Variants in PLCB2 observed in about 807,000 individuals in gnomAD.
PLCB2 encodes phospholipase C beta 2.
In PLCB2, 115 loss-of-function variants were observed where a neutral mutation model predicts 141.7. That is an observed-to-expected ratio of 0.81 (90% CI 0.70 to 0.95). The LOEUF (loss-of-function observed/expected upper bound fraction) is 0.95, where lower values mean the gene tolerates loss of function less well. PLCB2 is among the 40% of genes least tolerant of loss of function. The probability of loss-of-function intolerance (pLI) is 0.00; values close to 1 mark genes in which losing one functional copy is unlikely to be tolerated. For synonymous variants in PLCB2, 603 were observed against 595.6 expected, an observed-to-expected ratio of 1.01 and a Z score of -0.18; for missense variants, 1,403 against 1,541.1, an observed-to-expected ratio of 0.91 and a Z score of 1.50.
At chr15:40,287,888 A>G, downstream of PLCB2, 1 of 977,410 alleles carries the variant, frequency 1.0e-6, no homozygotes, top group Non-Finnish European at 1.2e-6. Flanking sequence ...TGTAGAATAG[A>G]GACCAGGCTT....
chr15:40,299,602 T>G (rs1048631454), intron 7 of PLCB2, among the ~76,000 whole-genome samples: 32 of 152,122 alleles, frequency 2.1e-4, no homozygotes, highest in Non-Finnish European at 7.4e-5. Context: ...TAAACATATA[T>G]GCACCTAACA....
In PLCB2 at chr15:40,293,597, T is replaced by C. The variant is rs1390504381; in HGVS notation, c.2189A>G (p.Asn730Ser). ...AAAGGGCTCCTCCTTCCAGACAGGATTGATGGAGTTAGTACTGGGTGACAG... is the reference window on the plus strand; with the variant it reads ...AAAGGGCTCCTCCTTCCAGACAGGACTGATGGAGTTAGTACTGGGTGACAG... ...TKLSPSTNSI[N>S]PVWKEEPFVF... The change falls in exon 20 of 32, where the codon AAT becomes AGT. Residue 730 changes from asparagine to serine, a missense_variant. Physicochemically the swap from Asn to Ser is conservative, Grantham distance 46. Around this residue, in one of 4 missense-constraint regions of PLCB2, gnomAD observed 975 missense variants for 1,141.1 expected, o/e 0.85. Transcript: ENST00000260402. 5 of 1,613,880 alleles carry C rather than the reference T, an allele frequency of 3.1e-6. No homozygotes were observed. The highest frequency in any genetic ancestry group is 4.2e-6 in the Non-Finnish European group (5 of 1,179,960).
rs2039911570 is a variant in PLCB2 at position 40,291,390 on chromosome 15, GC to G, written c.2744del (p.Arg915ProfsTer69). ...GCAGCTCCTCCCAGCGCCGCGCTCCGCGCCGCTCCAACTCTCGCAGCTCCTT... is the reference window on the plus strand; with the variant it reads ...GCAGCTCCTCCCAGCGCCGCGCTCCGGCCGCTCCAACTCTCGCAGCTCCTT... Reference protein sequence around the residue: ...HEKELRELERRGARRWEELLQ... With the variant: ...HEKELRELERXGARRWEELLQ... On this transcript the variant is annotated frameshift_variant, in exon 26 of 32. Coordinates refer to ENST00000260402, the MANE Select transcript of PLCB2 (RefSeq NM_004573.3). LOFTEE classifies it high-confidence loss of function. 6.5e-7 allele frequency: 1 copy of G among 1,534,116 alleles called. No individual in the cohort carries two copies. The highest frequency in any genetic ancestry group is 8.7e-7 in the Non-Finnish European group (1 of 1,145,754).
Position 40,290,048 on chromosome 15 carries a change from C to T in PLCB2, c.3244G>A (p.Glu1082Lys), listed in dbSNP as rs1378159298. 1.2e-6 allele frequency: 2 copies of T among 1,609,704 alleles called. No homozygotes were observed. Among genetic ancestry groups the T allele is most frequent in the Non-Finnish European group, 1.7e-6 (2 of 1,176,950 alleles). ...KREINNSHIQ[E>K]VVQVIKQMTE... ...ACCTGCTTGATCACCTGCACTACTT[C>T]CTGGATGTGGGAGTTGTTAATCTCT... is the stretch of plus-strand genomic sequence containing the variant. The change falls in exon 30 of 32, where the codon GAA (glutamate) becomes AAA (lysine). Residue 1082 changes from glutamate (E) to lysine (K), a missense_variant. Glu to Lys is a moderately conservative substitution (Grantham distance 56). This residue lies in a region of PLCB2 where 132 missense variants were observed against 132.4 expected (regional missense o/e 1.00). Coordinates refer to ENST00000260402, the MANE Select transcript of PLCB2 (RefSeq NM_004573.3).
intron 1 of PLCB2, among the ~76,000 whole-genome samples, chr15:40,306,765 G>C (rs2040817243): frequency 6.6e-6 from 1 of 152,162 alleles, no homozygotes; most frequent in African/African-American, 2.4e-5. Flanking sequence ...TCCCTTCCTG[G>C]GACAAGCCCA....
At chr15:40,307,200 C>A (rs2040840600) in intron 1 of PLCB2, among the ~76,000 whole-genome samples, 1 of 152,124 alleles carries the variant, frequency 6.6e-6, no homozygotes, top group Admixed American at 6.5e-5. Context: ...GAGCGCCCTG[C>A]CGGAGCAAGG....
chr15:40,287,813 G>T (rs939837838), downstream of PLCB2: 1 of 519,484 alleles, frequency 1.9e-6, no homozygotes, highest in Non-Finnish European at 2.5e-6. Flanking sequence ...GCTCCCAAGA[G>T]ATTTTTTTTT....
chr15:40,306,970 T>C (rs1375725171), intron 1 of PLCB2, among the ~76,000 whole-genome samples: 1 of 152,208 alleles, frequency 6.6e-6, no homozygotes, highest in Non-Finnish European at 1.5e-5. Flanking sequence ...GGTGCAGCAG[T>C]GTCTTCCCCT....
At position 40,290,748 on chromosome 15, in the gene PLCB2, G is replaced by A. The variant is rs2039847897; in HGVS notation, c.3113+13C>T. The stretch of plus-strand genomic sequence containing the variant: ...TGGGAGGCGAAGCAGGTGTGGGAGG[G>A]AGGCAGTCGTACTTCTCCGACGTCT... On this transcript the variant is annotated intron_variant, in intron 28 of 31. Transcript: ENST00000260402. The A allele has an allele frequency of 1.2e-6, 2 of 1,613,278 alleles. No individual in the cohort carries two copies. Among genetic ancestry groups the A allele is most frequent in the Non-Finnish European group, 1.7e-6 (2 of 1,179,502 alleles).
chr15:40,292,424 C>T lies in PLCB2; in HGVS notation c.2346G>A (p.Leu782=). Residue 782 remains leucine (L), a synonymous_variant, in exon 22 of 32, where the codon CTG becomes CTA. Coordinates refer to ENST00000260402, the MANE Select transcript of PLCB2 (RefSeq NM_004573.3). ...ALNSGYHHLC[L]HSESNMPLTM... is the part of the protein sequence containing the mutation. Reference sequence around the variant, plus strand: ...TGAGGGGCATGTTGCTCTCACTGTGCAGGCACAGGTGGTGGTACCCTGTGA... The same window carrying T: ...TGAGGGGCATGTTGCTCTCACTGTGTAGGCACAGGTGGTGGTACCCTGTGA... 2 of 1,613,376 alleles carry T rather than the reference C, an allele frequency of 1.2e-6. No homozygotes were observed. The highest frequency in any genetic ancestry group is 1.7e-6 in the Non-Finnish European group (2 of 1,179,500).
intron 16 of PLCB2, 82 bp from the exon 17 acceptor site, chr15:40,295,367 C>T: frequency 1.1e-6 from 1 of 940,034 alleles, no homozygotes; most frequent in Non-Finnish European, 1.8e-6. Context: ...GGGGCAGCTC[C>T]CTCTGGCCTA....
rs564008412 is a variant in PLCB2 at position 40,297,603 on chromosome 15, G to A, written c.1241C>T (p.Pro414Leu). 5.6e-6 allele frequency: 9 copies of A among 1,613,404 alleles called. No individual in the cohort carries two copies. The highest frequency in any genetic ancestry group is 1.3e-5 in the African/African-American group (1 of 75,056). ...ILSFENHVDS[P>L]RQQAKMAEYC... Reference sequence around the variant, plus strand: ...CTCAGCCATCTTAGCCTGCTGGCGGGGTCTGCGGGGAGCAAAAGCGGGGAT... The same window carrying A: ...CTCAGCCATCTTAGCCTGCTGGCGGAGTCTGCGGGGAGCAAAAGCGGGGAT... Residue 414 changes from proline (P) to leucine (L), a missense_variant and splice_region_variant, in exon 13 of 32, where the codon CCC becomes CTC. This residue lies in a region of PLCB2 where 975 missense variants were observed against 1,141.1 expected (regional missense o/e 0.85). Coordinates refer to ENST00000260402, the MANE Select transcript of PLCB2 (RefSeq NM_004573.3). This position sits in a 1 kb window ranked among gnomAD's most constrained non-coding sequence, Gnocchi z 4.2.
intron 15 of PLCB2, 49 bp downstream of exon 15, chr15:40,296,473 C>T (rs2040223857): frequency 6.2e-7 from 1 of 1,613,454 alleles, no homozygotes; most frequent in Admixed American, 1.7e-5. Flanking sequence ...ATCCAGGGGG[C>T]TTAACGGTGG....
At chr15:40,298,489 T>A in intron 10 of PLCB2, 73 bp downstream of exon 10, 2 of 1,604,274 alleles carry the variant, frequency 1.2e-6, no homozygotes, top group Non-Finnish European at 1.7e-6. Flanking sequence ...CAGCAGCATG[T>A]GGGCAACCCC....
intron 16 of PLCB2, among the ~76,000 whole-genome samples, chr15:40,295,496 C>A (rs1566879598): frequency 6.7e-6 from 1 of 150,134 alleles, no homozygotes; most frequent in Non-Finnish European, 1.5e-5. Flanking sequence ...TGTGTATGCA[C>A]AGGGGTGGGG....
rs1869903 is a variant in PLCB2 at position 40,298,781 on chromosome 15, G to T, written c.850+17C>A. 73 of 1,610,742 alleles carry T rather than the reference G, an allele frequency of 4.5e-5. No homozygotes were observed. The highest frequency in any genetic ancestry group is 5.9e-5 in the Non-Finnish European group (69 of 1,177,566). On this transcript the variant is annotated intron_variant, in intron 9 of 31. Transcript: ENST00000260402. ...AGGACAGGACCACAGGGGACAAGGG[G>T]TTCCCTTAGTCCTCACCCCTCTGTG...
Position 40,289,267 on chromosome 15 carries a change from G to A in PLCB2, c.3354+5C>T. 3 of 1,611,908 alleles carry A rather than the reference G, an allele frequency of 1.9e-6. No homozygotes were observed. The highest frequency in any genetic ancestry group is 2.5e-6 in the Non-Finnish European group (3 of 1,177,990). ...TGCTGGGGGTCCCAGTAGTGAACCT[G>A]TTACCTGCTTTTCCATCTCCCGTAT... On this transcript the variant is annotated splice_donor_5th_base_variant and intron_variant, in intron 31 of 31. Transcript: ENST00000260402.
chr15:40,288,118 C>T lies in PLCB2; in HGVS notation c.*597G>A. The T allele has an allele frequency of 1.0e-6, 1 of 985,486 alleles. No individual in the cohort carries two copies. Among genetic ancestry groups the T allele is most frequent in the Non-Finnish European group, 1.2e-6 (1 of 829,982 alleles). 61.0% of individuals were successfully genotyped at this position (985,486 alleles called of 1,614,324 possible). ...AGCCCACTGCCCCTTGTGACTCAGC[C>T]AAGCAGGGCCAAGGCAGCTTTTCCA... On this transcript the variant is annotated 3_prime_UTR_variant, in exon 32 of 32. Coordinates refer to ENST00000260402, the MANE Select transcript of PLCB2 (RefSeq NM_004573.3).
chr15:40,294,345 A>G lies in PLCB2; in HGVS notation c.1982T>C (p.Met661Thr), dbSNP rs763247618. Residue 661 changes from methionine (M) to threonine (T), a missense_variant, in exon 19 of 32, where the codon ATG (methionine) becomes ACG (threonine). Physicochemically the swap from Met to Thr is moderately conservative, Grantham distance 81. Coordinates refer to ENST00000260402, the MANE Select transcript of PLCB2 (RefSeq NM_004573.3). ...QSGYLLKHEF[M>T]RRPDKQFNPF... ...GTTGAACTGCTTGTCCGGCCGGCGC[A>G]TGAACTCATGCTTGAGGAGGTAGCC... 6 of 1,614,156 alleles carry G rather than the reference A, an allele frequency of 3.7e-6. No homozygotes were observed. Among genetic ancestry groups the G allele is most frequent in the Non-Finnish European group, 5.1e-6 (6 of 1,180,016 alleles).
Sources: gnomAD v4.1 joint callset for allele counts (sites outside exome capture counted in the v4.1 genomes callset) on GRCh38, gnomAD v4.1.1 for gene constraint, gnomAD v4.1.1 regional missense constraint, Gnocchi (gnomAD v3.1) non-coding constraint, MANE v1.5 for transcripts, NCBI Gene and HGNC (gene_info 2026-07-23, HGNC 2026-07-21) for gene names.